The following SLC60A1 variants were observed in gnomAD, a reference collection of about 807,000 sequenced individuals.
The protein encoded by SLC60A1 is solute carrier family 60 member 1.
chr1:205,579,712 T>C, the SLC60A1 span: 1 of 1,599,008 alleles, frequency 6.3e-7, no homozygotes, highest in Non-Finnish European at 8.6e-7. Flanking sequence ...AGGGGATGCT[T>C]CCAGCCCCAT....
At chr1:205,590,272 G>C in the SLC60A1 span, among the ~76,000 whole-genome samples, 1 of 152,340 alleles carries the variant, frequency 6.6e-6, no homozygotes, top group South Asian at 2.1e-4. Context: ...CCCCAACATT[G>C]AGAGAGTGAA....
At chr1:205,599,262 T>A in the SLC60A1 span, 439,805 of 1,612,946 alleles carry the variant, frequency 0.27, 67,186 homozygotes, top group East Asian at 0.59. Context: ...GTAAGGAAAG[T>A]ATCTGTTTCT....
the SLC60A1 span, among the ~76,000 whole-genome samples, chr1:205,589,133 C>T: frequency 0.012 from 1,870 of 152,306 alleles, 17 homozygotes; most frequent in Middle Eastern, 0.031. Context: ...GTGGTTTGTA[C>T]ATGGGGTAGC....
chr1:205,602,843 A>T, the SLC60A1 span: 1 of 152,222 alleles, frequency 6.6e-6, no homozygotes, highest in Non-Finnish European at 1.5e-5. Context: ...GTTGATTGTG[A>T]CTAATTTGTT....
At chr1:205,598,898 T>C in the SLC60A1 span, 1 of 565,988 alleles carries the variant, frequency 1.8e-6, no homozygotes, top group South Asian at 2.2e-5. Context: ...TGCAAGGGAC[T>C]GCAGGGGGTC....
chr1:205,569,067 G>C, the SLC60A1 span: 4 of 1,474,438 alleles, frequency 2.7e-6, no homozygotes, highest in African/African-American at 1.5e-5. Flanking sequence ...GTCAGCCTGC[G>C]CCATGGGCTG....
At chr1:205,598,412 T>TA in the SLC60A1 span, 1 of 152,828 alleles carries the variant, frequency 6.5e-6, no homozygotes, top group African/African-American at 2.4e-5. Context: ...TTCCCCTTTT[T>TA]ACAACAGAGG....
chr1:205,579,768 G>A, the SLC60A1 span: 1 of 1,614,102 alleles, frequency 6.2e-7, no homozygotes, highest in Non-Finnish European at 8.5e-7. Context: ...CAGTCACTAT[G>A]GGCCCTGTTC....
chr1:205,584,825 G>C, the SLC60A1 span: 1 of 1,544,620 alleles, frequency 6.5e-7, no homozygotes, highest in Non-Finnish European at 9.0e-7. Flanking sequence ...ACATGCAGAG[G>C]GAGGGAGCAG....
chr1:205,597,524 G>T, the SLC60A1 span: 1 of 331,946 alleles, frequency 3.0e-6, no homozygotes, highest in Non-Finnish European at 5.8e-6. Context: ...AAGTAGCTGG[G>T]ACTACAGGTG....
At chr1:205,583,529 G>A in the SLC60A1 span, among the ~76,000 whole-genome samples, 3 of 152,138 alleles carry the variant, frequency 2.0e-5, no homozygotes, top group Admixed American at 6.5e-5. Context: ...AACAGGTTAC[G>A]ACTAAGTGAT....
the SLC60A1 span, among the ~76,000 whole-genome samples, chr1:205,597,370 GTTGTT>G: frequency 5.5e-5 from 3 of 54,562 alleles, no homozygotes; most frequent in East Asian, 3.5e-4. Context: ...AGCAACCTAG[GTTGTT>G]TTTTTTTTTT....
the SLC60A1 span, among the ~76,000 whole-genome samples, chr1:205,599,626 C>T: frequency 1.3e-5 from 2 of 152,200 alleles, no homozygotes; most frequent in Non-Finnish European, 2.9e-5. Context: ...GGAACTCAGC[C>T]CAACGGCCTA....
At chr1:205,579,155 G>A in the SLC60A1 span, among the ~76,000 whole-genome samples, 1 of 152,172 alleles carries the variant, frequency 6.6e-6, no homozygotes, top group Non-Finnish European at 1.5e-5. Flanking sequence ...CAGAGCCTGC[G>A]ACCTCTGCCT....
chr1:205,571,428 G>T, the SLC60A1 span, among the ~76,000 whole-genome samples: 2 of 152,178 alleles, frequency 1.3e-5, no homozygotes, highest in Admixed American at 1.3e-4. Context: ...GTATTCCTGA[G>T]CTCTGACAAC....
the SLC60A1 span, chr1:205,584,022 G>C: frequency 3.7e-6 from 6 of 1,613,940 alleles, no homozygotes; most frequent in Admixed American, 6.7e-5. Flanking sequence ...TGTCCCCAGA[G>C]GAGGCCCCTG....
the SLC60A1 span, chr1:205,579,651 G>A: frequency 7.6e-7 from 1 of 1,320,846 alleles, no homozygotes; most frequent in South Asian, 1.2e-5. Flanking sequence ...TACCAGAGGG[G>A]GAGAAATGTC....
chr1:205,598,369 T>G, the SLC60A1 span: 1 of 154,010 alleles, frequency 6.5e-6, no homozygotes, highest in Non-Finnish European at 1.4e-5. Flanking sequence ...ACCTAACATC[T>G]ACTTTTTATT....
chr1:205,575,498 G>A, the SLC60A1 span, among the ~76,000 whole-genome samples: 14 of 152,306 alleles, frequency 9.2e-5, no homozygotes, highest in African/African-American at 3.4e-4. Context: ...CCCTTCCCCT[G>A]TTTCAGAGCC....
Sources: gnomAD v4.1 joint callset for allele counts (sites outside exome capture counted in the v4.1 genomes callset) on GRCh38, gnomAD v4.1.1 for gene constraint, MANE v1.5 for transcripts, NCBI Gene and HGNC (gene_info 2026-07-23, HGNC 2026-07-21) for gene names.